The following AGMAT variants were observed in gnomAD, a reference collection of about 807,000 sequenced individuals.
The protein encoded by AGMAT is guanidino acid hydrolase, mitochondrial.
Under a neutral mutation model 29.3 loss-of-function variants are expected in AGMAT, and 37 were observed. That is an observed-to-expected ratio of 1.26 (90% CI 0.97 to 1.66). The LOEUF is 1.66. Among genes scored for constraint, AGMAT ranks in the 40% most tolerant of loss-of-function variants. The pLI, the probability that AGMAT is intolerant of heterozygous loss-of-function variation, is 0.00. For synonymous variants in AGMAT, 199 were observed against 200.8 expected (o/e 0.99, Z 0.08); for missense variants, 498 against 497.8 (o/e 1.00, Z 0.00).
chr1:15,584,467 A>C (rs1011346856), intron 1 of AGMAT, among the ~76,000 whole-genome samples: 1 of 152,082 alleles, frequency 6.6e-6, no homozygotes, highest in African/African-American at 2.4e-5. Flanking sequence ...TTCTTGACCA[A>C]TGATGACACT....
intron 5 of AGMAT, 193 bp from the exon 6 acceptor site, chr1:15,575,034 A>C: frequency 2.0e-6 from 1 of 512,264 alleles, no homozygotes; most frequent in East Asian, 3.4e-5. Flanking sequence ...CCTGCTCCTC[A>C]GGGCTGCATG....
At chr1:15,576,609 T>C (rs1011696221) in intron 5 of AGMAT, among the ~76,000 whole-genome samples, 5 of 150,520 alleles carry the variant, frequency 3.3e-5, no homozygotes, top group Non-Finnish European at 5.9e-5. Context: ...TTTGTACTTT[T>C]AGTAGAGACA....
intron 6 of AGMAT, 86 bp downstream of exon 6, chr1:15,574,671 C>A: frequency 8.2e-7 from 1 of 1,224,618 alleles, no homozygotes; most frequent in Non-Finnish European, 1.2e-6. Flanking sequence ...GGCCACCATG[C>A]CTGGCCCCAT....
In AGMAT at chr1:15,573,257, C is replaced by CAA. The variant is rs36051155; in HGVS notation, c.*392_*393dup. The CAA allele has an allele frequency of 3.2e-4, 48 of 149,790 alleles. 1 individual carries two copies. The highest frequency in any genetic ancestry group is 9.7e-4 in the East Asian group (5 of 5,166). 9.3% of individuals were successfully genotyped at this position (149,790 alleles called of 1,614,324 possible). The stretch of plus-strand genomic sequence containing the variant: ...CTGGGTGACAAGCAAAACTCTATCT[C>CAA]AAAAAAAAAAATGTTTAAAAGGAAG... On this transcript the variant is annotated 3_prime_UTR_variant, in exon 7 of 7. Transcript: ENST00000375826.
rs778724560 is a variant in AGMAT, at chr1:15,577,696, T to C, written c.889A>G (p.Thr297Ala). 7.4e-6 allele frequency: 12 copies of C among 1,613,030 alleles called. No individual in the cohort carries two copies. The South Asian group carries it at 1.1e-4, about 15-fold the overall frequency. Residue 297 changes from threonine (T) to alanine (A), a missense_variant, in exon 5 of 7, where the codon ACT (threonine) becomes GCT (alanine). Coordinates refer to ENST00000375826, the MANE Select transcript of AGMAT (RefSeq NM_024758.5). ...TGGAATCTCCTTACCTGACTAGGAG[T>C]GAGACCAGCAATTTCAGGTGTCCCT... is the stretch of plus-strand genomic sequence containing the variant. The part of the protein sequence containing the change: ...GTGTPEIAGL[T>A]PSQALEIIRG...
At chr1:15,583,104 G>T in intron 2 of AGMAT, 89 bp downstream of exon 2, 3 of 1,213,270 alleles carry the variant, frequency 2.5e-6, no homozygotes, top group Non-Finnish European at 2.3e-6. Flanking sequence ...GGCTTGCAGG[G>T]GAGAAGTAGC....
intron 2 of AGMAT, among the ~76,000 whole-genome samples, chr1:15,582,510 C>T (rs1570943914): frequency 6.6e-6 from 1 of 152,190 alleles, no homozygotes; most frequent in East Asian, 1.9e-4. Flanking sequence ...GCAGGCTAGG[C>T]TCTCTAACTT....
intron 5 of AGMAT, among the ~76,000 whole-genome samples, chr1:15,577,046 G>A (rs1032279861): frequency 1.3e-5 from 2 of 151,842 alleles, no homozygotes; most frequent in Admixed American, 6.6e-5. Flanking sequence ...CACCGTGCCC[G>A]GCCAAGTTTA....
chr1:15,572,147 A>G lies in AGMAT; in HGVS notation c.*1504T>C, dbSNP rs897290524. ...GGGACAGAGCGAGACTCCATCTCAG[A>G]AAAAAAAAAAAAAAAAAAAGCCCAG... On this transcript the variant is annotated 3_prime_UTR_variant, in exon 7 of 7. Transcript: ENST00000375826. Among the ~76,000 whole-genome samples, 90 of 65,348 alleles carry G rather than the reference A, an allele frequency of 1.4e-3. No homozygotes were observed. Among genetic ancestry groups the G allele is most frequent in the Admixed American group, 2.3e-3 (19 of 8,322 alleles). The allele number at this position is 65,348 out of a possible 152,430, so 42.9% of individuals were successfully genotyped here. A position where few individuals can be genotyped will look rare whatever the true frequency, so the allele number is the denominator to read the frequency against.
rs192636232 is a variant in AGMAT at position 15,577,161 on chromosome 1, A to G, written c.900+524T>C. ...CAAATAAAGGACAAAATAAGGGACT[A>G]TTATATCCCAGATAGGAAATGAAGG... On this transcript the variant is annotated intron_variant, in intron 5 of 6. Transcript: ENST00000375826. Among the ~76,000 whole-genome samples the G allele has an allele frequency of 3.1e-3, 475 of 152,276 alleles. 3 individuals carry two copies. The highest frequency in any genetic ancestry group is 5.0e-3 in the Non-Finnish European group (339 of 68,026).
Position 15,580,393 on chromosome 1 carries a change from C to T in AGMAT, c.476-251G>A, listed in dbSNP as rs1007331946. 9.2e-5 allele frequency among the ~76,000 whole-genome samples: 14 copies of T among 151,628 alleles called. No homozygotes were observed. The South Asian group carries it at 2.1e-3, about 23-fold the overall frequency. On this transcript the variant is annotated intron_variant, in intron 2 of 6. Transcript: ENST00000375826. ...GCTAATTTTGTATTTTTAGTAGAGA[C>T]GGAGTTTCACCATGTTGGTCAGACT...
intron 5 of AGMAT, among the ~76,000 whole-genome samples, chr1:15,576,301 CATGT>C: frequency 6.6e-6 from 1 of 151,794 alleles, no homozygotes; most frequent in South Asian, 2.1e-4. Context: ...GGGGTTTCTC[CATGT>C]TAGGCTGGTC....
intron 2 of AGMAT, among the ~76,000 whole-genome samples, chr1:15,581,637 A>C (rs140527149): frequency 0.63 from 94,314 of 150,468 alleles, 30,451 homozygotes; most frequent in African/African-American, 0.79. Context: ...CATTTTGGGA[A>C]GCTGAGGCGG....
chr1:15,580,075 C>G lies in AGMAT; in HGVS notation c.524+19G>C. 1 of 1,612,536 alleles carries G rather than the reference C, an allele frequency of 6.2e-7. No individual in the cohort carries two copies. The highest frequency in any genetic ancestry group is 8.5e-7 in the Non-Finnish European group (1 of 1,178,668). ...CTGGCTTTTGAAATCTTGCTGGGCCCAAGCCATTTGAGACTTACTTTTTTG... is the reference window on the plus strand; with the variant it reads ...CTGGCTTTTGAAATCTTGCTGGGCCGAAGCCATTTGAGACTTACTTTTTTG... On this transcript the variant is annotated intron_variant, in intron 3 of 6. Transcript: ENST00000375826.
rs1271208852 is a variant in AGMAT at position 15,584,867 on chromosome 1, C to T, written c.101G>A (p.Arg34His). 2 of 1,409,494 alleles carry T rather than the reference C, an allele frequency of 1.4e-6. No homozygotes were observed. The highest frequency in any genetic ancestry group is 1.8e-6 in the Non-Finnish European group (2 of 1,087,692). 87.3% of individuals were successfully genotyped at this position (1,409,494 alleles called of 1,614,324 possible). The change falls in exon 1 of 7, where the codon CGC (arginine) becomes CAC (histidine). Residue 34 changes from arginine to histidine, a missense_variant. Physicochemically the swap from Arg to His is conservative, Grantham distance 29. Transcript: ENST00000375826. ...GTTCCGGGGCGCGTCGGAAGCCTGG[C>T]GGCTCTGGCGGCGCCCCGGATGAAA... ...GLFHPGRRQS[R>H]QASDAPRNQP...
At position 15,584,785 on chromosome 1, in the gene AGMAT, G is replaced by A. The variant is rs147196657; in HGVS notation, c.183C>T (p.Arg61=). The change falls in exon 1 of 7, where the codon CGC becomes CGT. Residue 61 remains arginine, a synonymous_variant. Coordinates refer to ENST00000375826, the MANE Select transcript of AGMAT (RefSeq NM_024758.5). ...ARPVGVCSMM[R]LPVQTSPEGL... ...CCTCGGGGGAGGTCTGCACCGGCAGGCGCATCATGGAGCAGACGCCCACCG... is the reference window on the plus strand; with the variant it reads ...CCTCGGGGGAGGTCTGCACCGGCAGACGCATCATGGAGCAGACGCCCACCG... The A allele has an allele frequency of 1.8e-3, 2,470 of 1,382,892 alleles. 63 individuals carry two copies. The Admixed American group carries it at 0.039, about 22-fold the overall frequency. The allele number at this position is 1,382,892 out of a possible 1,614,324, so 85.7% of individuals were successfully genotyped here. A position where few individuals can be genotyped will look rare whatever the true frequency, so the allele number is the denominator to read the frequency against.
At chr1:15,580,252 CTGGAGTTCAA>C in intron 2 of AGMAT, 110 bp from the exon 3 acceptor site, 1 of 906,552 alleles carries the variant, frequency 1.1e-6, no homozygotes, top group Admixed American at 2.6e-5. Context: ...GTTGTCCAGG[CTGGAGTTCAA>C]TGGCACAATC....
intron 5 of AGMAT, among the ~76,000 whole-genome samples, chr1:15,576,436 G>T (rs1478971380): frequency 2.0e-5 from 3 of 148,632 alleles, no homozygotes; most frequent in Non-Finnish European, 4.5e-5. Context: ...TTGGTTGGTT[G>T]GTTTTTTTTT....
In AGMAT at chr1:15,584,802, C is replaced by T; in HGVS notation, c.166G>A (p.Val56Ile). ...ACCGGCAGGCGCATCATGGAGCAGA[C>T]GCCCACCGGCCGGGCCACGAACTCG... The part of the protein sequence containing the change: ...SPEFVARPVG[V>I]CSMMRLPVQT... Residue 56 changes from valine to isoleucine, a missense_variant, in exon 1 of 7, where the codon GTC becomes ATC. Coordinates refer to ENST00000375826, the MANE Select transcript of AGMAT (RefSeq NM_024758.5). 2 of 1,397,568 alleles carry T rather than the reference C, an allele frequency of 1.4e-6. No homozygotes were observed. Among genetic ancestry groups the T allele is most frequent in the African/African-American group, 1.5e-5 (1 of 67,074 alleles). The allele number at this position is 1,397,568 out of a possible 1,614,324, so 86.6% of individuals were successfully genotyped here. A position where few individuals can be genotyped will look rare whatever the true frequency, so the allele number is the denominator to read the frequency against.
Sources: allele counts gnomAD v4.1 joint callset (sites outside exome capture counted in the v4.1 genomes callset), GRCh38; gene constraint gnomAD v4.1.1; transcripts MANE v1.5; gene names NCBI Gene and HGNC (gene_info 2026-07-23, HGNC 2026-07-21).